NRG1: variants seen among roughly 807,000 people sequenced by gnomAD.
NRG1 encodes the protein neuregulin 1.
In NRG1, 18 loss-of-function variants were observed where a neutral mutation model predicts 63.8. The observed-to-expected ratio is 0.28, with a 90% CI of 0.19 to 0.42. The LOEUF is 0.42. NRG1 is among the 10% of genes least tolerant of loss of function. The pLI is 1.00. For missense variants in NRG1, 762 were observed against 814.7 expected, an observed-to-expected ratio of 0.94 and a Z score of 0.79; for synonymous variants, 302 against 301.3, an observed-to-expected ratio of 1.00 and a Z score of -0.02.
intron 7 of NRG1, chr8:32,748,832 T>C (rs972574435): frequency 1.1e-5 from 4 of 349,374 alleles, no homozygotes; most frequent in Admixed American, 7.6e-5. Flanking sequence ...ACAGAACTTA[T>C]ATGAGAAAAA....
At chr8:31,824,074 T>G (rs1210621747) in intron 1 of NRG1, among the ~76,000 whole-genome samples, 5 of 152,230 alleles carry the variant, frequency 3.3e-5, no homozygotes, top group Non-Finnish European at 5.9e-5. Context: ...ACGTGCAGGT[T>G]TGTTACATAT....
At chr8:32,585,883 G>A (rs373396514) in intron 1 of NRG1, among the ~76,000 whole-genome samples, 6 of 152,076 alleles carry the variant, frequency 3.9e-5, no homozygotes, top group Admixed American at 2.0e-4. Context: ...CACATTGTCT[G>A]GTAGTTAAGA....
rs1258705906 is a variant in NRG1, at chr8:32,742,135, C to A, written c.633-540C>A. On this transcript the variant is annotated intron_variant, in intron 6 of 11. Coordinates refer to ENST00000356819, the Ensembl canonical transcript of NRG1. The surrounding 1 kb of genome is among the most constrained non-coding windows in gnomAD (Gnocchi z 4.2). Reference sequence around the variant, plus strand: ...CCAACTACAGCAACAATCACTACCACTTGGTGCTTTTACAGCTCAGTCGTA... The same window carrying A: ...CCAACTACAGCAACAATCACTACCAATTGGTGCTTTTACAGCTCAGTCGTA... 3.7e-6 allele frequency: 5 copies of A among 1,357,568 alleles called. No homozygotes were observed. Among genetic ancestry groups the A allele is most frequent in the Admixed American group, 3.4e-5 (2 of 59,348 alleles). The allele number at this position is 1,357,568 out of a possible 1,614,324, so 84.1% of individuals were successfully genotyped here.
intron 1 of NRG1, among the ~76,000 whole-genome samples, chr8:32,088,570 T>C (rs547350859): frequency 6.7e-6 from 1 of 149,542 alleles, no homozygotes; most frequent in African/African-American, 2.5e-5. Flanking sequence ...CAGGCTGGAG[T>C]GCAGTGGTGC....
chr8:31,698,125 C>A lies in NRG1; in HGVS notation c.37+58694C>A, dbSNP rs749282575. Among the ~76,000 whole-genome samples the A allele has an allele frequency of 7.2e-5, 11 of 152,258 alleles. 1 individual carries two copies. Among genetic ancestry groups the A allele is most frequent in the Middle Eastern group, 3.4e-3 (1 of 294 alleles). ...TACAGTGCTTTGGGTCGACCAATCT[C>A]ATCCTGACTTCTGATCTGGAGTCTA... On this transcript the variant is annotated intron_variant, in intron 1 of 10. Coordinates refer to the NRG1 transcript ENST00000519301.
intron 1 of NRG1, among the ~76,000 whole-genome samples, chr8:31,910,344 C>A (rs964015977): frequency 6.6e-6 from 1 of 152,090 alleles, no homozygotes; most frequent in Non-Finnish European, 1.5e-5. Context: ...CTAGAATATG[C>A]TATATCTTGA....
chr8:32,024,391 A>G (rs909187841), intron 1 of NRG1, among the ~76,000 whole-genome samples: 4 of 152,226 alleles, frequency 2.6e-5, no homozygotes, highest in Non-Finnish European at 5.9e-5. Flanking sequence ...GTGGGAAACC[A>G]CGTAGCATGC....
intron 3 of NRG1, among the ~76,000 whole-genome samples, chr8:32,609,531 C>T (rs1314932043): frequency 2.6e-5 from 4 of 151,052 alleles, no homozygotes; most frequent in African/African-American, 9.8e-5. Flanking sequence ...GAGTAGAATT[C>T]TCAAGAATTT....
chr8:32,547,590 A>AACACACACACACACACACAC (rs33943729), upstream of NRG1, among the ~76,000 whole-genome samples: 6 of 148,386 alleles, frequency 4.0e-5, no homozygotes, highest in African/African-American at 1.5e-4. Context: ...GCACTTACTA[A>AACACACACACACACACACAC]ACACACACAC....
At chr8:32,211,075 A>T (rs1844657960) in intron 1 of NRG1, among the ~76,000 whole-genome samples, 1 of 152,184 alleles carries the variant, frequency 6.6e-6, no homozygotes, top group African/African-American at 2.4e-5. Flanking sequence ...TTCTTCCATA[A>T]TCCTCTCTCT....
At chr8:32,086,267 A>G (rs1383719590) in intron 1 of NRG1, among the ~76,000 whole-genome samples, 2 of 152,236 alleles carry the variant, frequency 1.3e-5, no homozygotes, top group South Asian at 2.1e-4. Context: ...AATTAAAAAT[A>G]TATATGTATT....
At chr8:32,169,435 A>G (rs896581202) in intron 1 of NRG1, among the ~76,000 whole-genome samples, 1 of 152,226 alleles carries the variant, frequency 6.6e-6, no homozygotes, top group Non-Finnish European at 1.5e-5. Context: ...ATTTGAGAAC[A>G]TAGTCCAGCT....
chr8:32,523,678 C>T (rs549318787), intron 1 of NRG1, among the ~76,000 whole-genome samples: 11 of 150,436 alleles, frequency 7.3e-5, no homozygotes, highest in East Asian at 2.0e-4. Flanking sequence ...GGTGAAACCC[C>T]GCCTCTACTA....
At chr8:32,614,832 T>A (rs1469571007) in intron 4 of NRG1, among the ~76,000 whole-genome samples, 1 of 152,084 alleles carries the variant, frequency 6.6e-6, no homozygotes, top group Non-Finnish European at 1.5e-5. Flanking sequence ...ATTAAGCAAG[T>A]AAAGGAGATA....
At chr8:32,768,796 G>T (rs557054548), downstream of NRG1, among the ~76,000 whole-genome samples, 3 of 152,220 alleles carry the variant, frequency 2.0e-5, no homozygotes, top group South Asian at 6.2e-4. Flanking sequence ...GCAATCCTTT[G>T]GGGTGAACAG....
intron 1 of NRG1, among the ~76,000 whole-genome samples, chr8:32,431,815 G>A (rs564003608): frequency 2.5e-4 from 38 of 151,762 alleles, no homozygotes; most frequent in African/African-American, 8.0e-4. Context: ...AACTTGAGTC[G>A]GTGACTTCTG....
chr8:31,643,084 A>G (rs1803958049), intron 1 of NRG1, among the ~76,000 whole-genome samples: 1 of 152,184 alleles, frequency 6.6e-6, no homozygotes, highest in African/African-American at 2.4e-5. Flanking sequence ...GCAAAGAAAC[A>G]CAGAAAAATG....
At chr8:31,930,875 G>T (rs1834801855) in intron 1 of NRG1, among the ~76,000 whole-genome samples, 1 of 152,116 alleles carries the variant, frequency 6.6e-6, no homozygotes, top group Non-Finnish European at 1.5e-5. Flanking sequence ...ATGTTCTTTT[G>T]CTTCAAATGC....
chr8:32,110,047 T>C (rs1263571531), intron 1 of NRG1, among the ~76,000 whole-genome samples: 1 of 152,168 alleles, frequency 6.6e-6, no homozygotes, highest in East Asian at 1.9e-4. Flanking sequence ...TTAAAGGAAC[T>C]AATATTTGCA....
Sources: allele counts gnomAD v4.1 joint callset (sites outside exome capture counted in the v4.1 genomes callset), GRCh38; gene constraint gnomAD v4.1.1; non-coding constraint Gnocchi (gnomAD v3.1); transcripts MANE v1.5; gene names NCBI Gene and HGNC (gene_info 2026-07-23, HGNC 2026-07-21).